DSCAM: variants seen among roughly 807,000 people sequenced by gnomAD.
The protein encoded by DSCAM is cell adhesion molecule DSCAM.
A neutral mutation model predicts 217.7 loss-of-function variants in DSCAM; 47 were observed. The observed-to-expected ratio is 0.22, with a 90% CI of 0.17 to 0.28. The LOEUF is 0.28. Ranked by LOEUF, DSCAM falls within the 10% of genes least tolerant of loss-of-function variation. The pLI is 1.00. For synonymous variants in DSCAM, 1,056 were observed against 1,015.3 expected, an observed-to-expected ratio of 1.04 and a Z score of -0.76; for missense variants, 2,080 against 2,618.3, an observed-to-expected ratio of 0.79 and a Z score of 4.49.
At chr21:40,078,108 A>T (rs1601306273) in intron 26 of DSCAM, among the ~76,000 whole-genome samples, 1 of 152,206 alleles carries the variant, frequency 6.6e-6, no homozygotes. Context: ...ATGTCAAGAG[A>T]CACCTCACCT....
At chr21:40,797,475 C>T (rs2091702225) in intron 1 of DSCAM, among the ~76,000 whole-genome samples, 1 of 152,176 alleles carries the variant, frequency 6.6e-6, no homozygotes, top group South Asian at 2.1e-4. Flanking sequence ...GACACATTCT[C>T]CCCAGTGAAC....
chr21:40,200,016 C>CTT (rs369465225), intron 11 of DSCAM, among the ~76,000 whole-genome samples: 2,608 of 135,152 alleles, frequency 0.019, 47 homozygotes, highest in African/African-American at 0.034. Context: ...CCTCAGGATT[C>CTT]TTTTTTTTTT....
chr21:40,542,102 C>T (rs2076546931), intron 3 of DSCAM, among the ~76,000 whole-genome samples: 1 of 152,134 alleles, frequency 6.6e-6, no homozygotes, highest in Non-Finnish European at 1.5e-5. Context: ...ATTTTTGATC[C>T]ACTTCTTCAT....
rs995242222 is a variant in DSCAM, at chr21:40,360,131, T to G, written c.656-6388A>C. On this transcript the variant is annotated intron_variant, in intron 4 of 32. Coordinates refer to ENST00000400454, the MANE Select transcript of DSCAM (RefSeq NM_001389.5). ...GGTACTTCATAGGTAGTCTTTTTTT[T>G]TTTTTTTTTTTTTTTTTTGAGACAG... Among the ~76,000 whole-genome samples the G allele has an allele frequency of 2.2e-5, 3 of 134,020 alleles. 1 individual carries two copies. Among genetic ancestry groups the G allele is most frequent in the African/African-American group, 8.5e-5 (3 of 35,238 alleles). 87.9% of individuals were successfully genotyped at this position (134,020 alleles called of 152,430 possible). A position where few individuals can be genotyped will look rare whatever the true frequency, so the allele number is the denominator to read the frequency against.
rs377124073 is a variant in DSCAM at position 40,241,818 on chromosome 21, A to G, written c.2356+34279T>C. On this transcript the variant is annotated intron_variant, in intron 11 of 32. Coordinates refer to ENST00000400454, the MANE Select transcript of DSCAM (RefSeq NM_001389.5). ...ACACCATGGAATACCATGCGGCCAT[A>G]AAAAAGAATGAGATCACGTCTTTTG... 8.5e-5 allele frequency among the ~76,000 whole-genome samples: 13 copies of G among 152,342 alleles called. No individual in the cohort carries two copies. In the East Asian group the frequency reaches 2.1e-3, roughly 25 times the overall value.
intron 4 of DSCAM, among the ~76,000 whole-genome samples, chr21:40,362,434 C>G (rs1007026007): frequency 6.6e-6 from 1 of 152,198 alleles, no homozygotes; most frequent in Non-Finnish European, 1.5e-5. Context: ...TTCAACCTCT[C>G]TCTCTTTGAG....
intron 3 of DSCAM, among the ~76,000 whole-genome samples, chr21:40,517,430 CACACACAG>C (rs1380875064): frequency 1.3e-5 from 2 of 151,320 alleles, no homozygotes; most frequent in African/African-American, 4.9e-5. Flanking sequence ...CACACACACA[CACACACAG>C]ACACGCATAT....
chr21:40,660,628 C>T (rs1016715344), intron 3 of DSCAM, among the ~76,000 whole-genome samples: 11 of 152,130 alleles, frequency 7.2e-5, no homozygotes, highest in African/African-American at 1.7e-4. Flanking sequence ...CACATTCCAC[C>T]GTGAGGGTGT....
At chr21:40,520,956 A>T (rs2076354168) in intron 3 of DSCAM, among the ~76,000 whole-genome samples, 1 of 152,244 alleles carries the variant, frequency 6.6e-6, no homozygotes, top group South Asian at 2.1e-4. Flanking sequence ...TGTACCCTGT[A>T]AGTATGTACA....
In DSCAM at chr21:40,291,955, CTGA is replaced by C. The variant is rs572828834; in HGVS notation, c.2182+4097_2182+4099del. Among the ~76,000 whole-genome samples, 136 of 152,250 alleles carry C rather than the reference CTGA, an allele frequency of 8.9e-4. 1 individual carries two copies. The highest frequency in any genetic ancestry group is 3.2e-3 in the African/African-American group (133 of 41,536). On this transcript the variant is annotated intron_variant, in intron 10 of 32. Transcript: ENST00000400454. Reference sequence around the variant, plus strand: ...CTCAGCAGGTAACAAGGAGATGGCCCTGAACTATTTTCCCTCCAGTATAAGTGA... The same window carrying C: ...CTCAGCAGGTAACAAGGAGATGGCCCACTATTTTCCCTCCAGTATAAGTGA...
At chr21:40,466,921 A>G (rs1569135493) in intron 3 of DSCAM, among the ~76,000 whole-genome samples, 1 of 152,216 alleles carries the variant, frequency 6.6e-6, no homozygotes. Flanking sequence ...TTTCAAATTT[A>G]CATTGTTTTC....
intron 3 of DSCAM, among the ~76,000 whole-genome samples, chr21:40,566,743 C>T (rs557484082): frequency 6.6e-6 from 1 of 152,180 alleles, no homozygotes; most frequent in African/African-American, 2.4e-5. Context: ...TAAATATCCC[C>T]CCACCCACCA....
intron 1 of DSCAM, among the ~76,000 whole-genome samples, chr21:40,800,269 T>C (rs1056842785): frequency 2.0e-5 from 3 of 152,180 alleles, no homozygotes; most frequent in African/African-American, 7.2e-5. Context: ...CATTCTGTTA[T>C]AAGCAATACG....
chr21:40,412,668 G>T (rs761931265), intron 3 of DSCAM, among the ~76,000 whole-genome samples: 1 of 152,206 alleles, frequency 6.6e-6, no homozygotes, highest in African/African-American at 2.4e-5. Flanking sequence ...TTTTAAAAGG[G>T]GAACAGAGCA....
intron 3 of DSCAM, among the ~76,000 whole-genome samples, chr21:40,654,509 C>T (rs1368464353): frequency 1.3e-5 from 2 of 152,182 alleles, no homozygotes; most frequent in Non-Finnish European, 2.9e-5. Context: ...AAATTTGTTA[C>T]CTCATGCTTT....
chr21:40,026,871 T>C lies in DSCAM; in HGVS notation c.5687-13485A>G, dbSNP rs1443475198. Among the ~76,000 whole-genome samples, 5 of 152,292 alleles carry C rather than the reference T, an allele frequency of 3.3e-5. No homozygotes were observed. In the East Asian group the frequency reaches 9.6e-4, roughly 29 times the overall value. On this transcript the variant is annotated intron_variant, in intron 32 of 32. Transcript: ENST00000400454. Reference sequence around the variant, plus strand: ...TCTTTTAATTGGAGCATTTAGTCCATTTACATGTAAAGTTAATATTGTTAT... The same window carrying C: ...TCTTTTAATTGGAGCATTTAGTCCACTTACATGTAAAGTTAATATTGTTAT...
intron 3 of DSCAM, among the ~76,000 whole-genome samples, chr21:40,568,035 T>C (rs1460380650): frequency 6.6e-6 from 1 of 152,176 alleles, no homozygotes; most frequent in African/African-American, 2.4e-5. Flanking sequence ...CCTCTAGTGT[T>C]CTTGATAGTG....
At chr21:40,787,592 T>C (rs1296011674) in intron 1 of DSCAM, among the ~76,000 whole-genome samples, 1 of 152,220 alleles carries the variant, frequency 6.6e-6, no homozygotes, top group African/African-American at 2.4e-5. Context: ...TATTCATCCA[T>C]TCCACTCATA....
intron 3 of DSCAM, among the ~76,000 whole-genome samples, chr21:40,616,861 C>CA: frequency 6.6e-6 from 1 of 151,430 alleles, no homozygotes; most frequent in Non-Finnish European, 1.5e-5. Flanking sequence ...ACTAAAAATA[C>CA]AAAAAATTAG....
Sources: gnomAD v4.1 joint callset for allele counts (sites outside exome capture counted in the v4.1 genomes callset) on GRCh38, gnomAD v4.1.1 for gene constraint, MANE v1.5 for transcripts, NCBI Gene and HGNC (gene_info 2026-07-23, HGNC 2026-07-21) for gene names.